MRPS11: variants seen among roughly 807,000 people sequenced by gnomAD.
MRPS11 encodes small ribosomal subunit protein uS11m.
A neutral mutation model predicts 24.3 loss-of-function variants in MRPS11; 27 were observed. The ratio of observed to expected loss-of-function variants is 1.11; its 90% CI spans 0.82 to 1.53. The LOEUF is 1.53. Ranked by LOEUF, MRPS11 falls within the 40% of genes most tolerant of loss-of-function variation. MRPS11 has a pLI of 0.00. For synonymous variants in MRPS11, 104 were observed against 98.7 expected, an observed-to-expected ratio of 1.05 and a Z score of -0.32; for missense variants, 277 against 256.5, an observed-to-expected ratio of 1.08 and a Z score of -0.55.
rs1471296108 is a variant in MRPS11 at position 88,480,299 on chromosome 15, C to CA, written c.*2323dup. 1 of 152,238 alleles carries CA rather than the reference C, an allele frequency of 6.6e-6. No individual in the cohort carries two copies. Among genetic ancestry groups the CA allele is most frequent in the East Asian group, 1.9e-4 (1 of 5,194 alleles). The allele number at this position is 152,238 out of a possible 1,614,324, so 9.4% of individuals were successfully genotyped here. A position where few individuals can be genotyped will look rare whatever the true frequency, so the allele number is the denominator to read the frequency against. On this transcript the variant is annotated 3_prime_UTR_variant, in exon 6 of 6. Coordinates refer to ENST00000325844, the MANE Select transcript of MRPS11 (RefSeq NM_022839.5). The surrounding 1 kb of genome is among the most constrained non-coding windows in gnomAD (Gnocchi z 5.1). ...GTACGACCATGGTTCACTGCAGCCT[C>CA]AAACTCCTGGGCTCAAGTGATCCTC...
In MRPS11 at chr15:88,477,622, TAAAGTGC is replaced by T. The variant is rs1411914662; in HGVS notation, c.478-243_478-237del. On this transcript the variant is annotated intron_variant, in intron 5 of 5. Transcript: ENST00000325844. This position sits in a 1 kb window ranked among gnomAD's most constrained non-coding sequence, Gnocchi z 5.7. ...ACAAGAAGTCTTTGTTCGCAGATCG[TAAAGTGC>T]AAAGTGGAAAGTGGTGGGTACAGTT... 3.3e-5 allele frequency among the ~76,000 whole-genome samples: 5 copies of T among 152,140 alleles called. No individual in the cohort carries two copies. The highest frequency in any genetic ancestry group is 1.2e-4 in the African/African-American group (5 of 41,424).
rs1424114397 is a variant in MRPS11, at chr15:88,475,101, T to G, written c.282-9T>G. On this transcript the variant is annotated splice_polypyrimidine_tract_variant and intron_variant, in intron 3 of 5. Coordinates refer to ENST00000325844, the MANE Select transcript of MRPS11 (RefSeq NM_022839.5). This position sits in a 1 kb window ranked among gnomAD's most constrained non-coding sequence, Gnocchi z 4.1. ...GTTGTATCCTATGTGCTTCTTCTAC[T>G]TTTCTCAGCACACAGATCCAGGTAG... 2 of 1,614,010 alleles carry G rather than the reference T, an allele frequency of 1.2e-6. No homozygotes were observed. Among genetic ancestry groups the G allele is most frequent in the African/African-American group, 2.7e-5 (2 of 74,936 alleles).
intron 2 of MRPS11, chr15:88,468,568 A>G (rs2055606545): frequency 1.1e-6 from 1 of 943,668 alleles, no homozygotes; most frequent in Non-Finnish European, 1.3e-6. Flanking sequence ...ACACCATGCT[A>G]GGTGCCGTGA....
intron 2 of MRPS11, among the ~76,000 whole-genome samples, chr15:88,471,456 A>G (rs9920710): frequency 0.067 from 10,264 of 152,218 alleles, 1,196 homozygotes; most frequent in African/African-American, 0.23. Flanking sequence ...AATCTGATAT[A>G]TGTGTGTAGG....
rs1186198557 is a variant in MRPS11 at position 88,475,864 on chromosome 15, G to A, written c.411+625G>A. 6.6e-6 allele frequency among the ~76,000 whole-genome samples: 1 copy of A among 152,136 alleles called. No individual in the cohort carries two copies. The highest frequency in any genetic ancestry group is 1.9e-4 in the East Asian group (1 of 5,180). ...CCCAGGTACTCGGGAGGCTGAGGCAGGAGAATCACTTGAACCCAGGAGGTG... is the reference window on the plus strand; with the variant it reads ...CCCAGGTACTCGGGAGGCTGAGGCAAGAGAATCACTTGAACCCAGGAGGTG... On this transcript the variant is annotated intron_variant, in intron 4 of 5. Coordinates refer to ENST00000325844, the MANE Select transcript of MRPS11 (RefSeq NM_022839.5). This position sits in a 1 kb window ranked among gnomAD's most constrained non-coding sequence, Gnocchi z 4.1.
chr15:88,471,057 G>T (rs1567043971), intron 2 of MRPS11, among the ~76,000 whole-genome samples: 2 of 152,216 alleles, frequency 1.3e-5, no homozygotes, highest in African/African-American at 4.8e-5. Context: ...CGCAAAGGCT[G>T]TGGGCACAGA....
rs372888234 is a variant in MRPS11, at chr15:88,475,123, G to A, written c.295G>A (p.Val99Ile). Residue 99 changes from valine (V) to isoleucine (I), a missense_variant, in exon 4 of 6, where the codon GTA (valine) becomes ATA (isoleucine). Physicochemically the swap from Val to Ile is conservative, Grantham distance 29. Transcript: ENST00000325844. The surrounding 1 kb of genome is among the most constrained non-coding windows in gnomAD (Gnocchi z 4.1). Reference protein sequence around the residue: ...KASHNNTQIQVVSASNEPLAF... With the variant: ...KASHNNTQIQIVSASNEPLAF... ...TACTTTTCTCAGCACACAGATCCAG[G>A]TAGTCTCTGCTAGTAATGAGCCCCT... is the stretch of plus-strand genomic sequence containing the variant. 1.2e-6 allele frequency: 2 copies of A among 1,614,214 alleles called. No homozygotes were observed. The highest frequency in any genetic ancestry group is 1.1e-5 in the South Asian group (1 of 91,090).
intron 4 of MRPS11, among the ~76,000 whole-genome samples, chr15:88,476,317 CT>C (rs1264136123): frequency 2.6e-5 from 4 of 152,220 alleles, no homozygotes; most frequent in Non-Finnish European, 5.9e-5. Flanking sequence ...ACAATTTCTA[CT>C]ATAGTACAGG....
At chr15:88,473,669 G>A (rs116961198) in intron 3 of MRPS11, among the ~76,000 whole-genome samples, 1 of 152,144 alleles carries the variant, frequency 6.6e-6, no homozygotes, top group Non-Finnish European at 1.5e-5. Flanking sequence ...AGCTCTGGTA[G>A]GGGGAATGTC....
In MRPS11 at chr15:88,469,497, A is replaced by C. The variant is rs1036608186; in HGVS notation, c.182+1473A>C. 6.6e-6 allele frequency among the ~76,000 whole-genome samples: 1 copy of C among 152,192 alleles called. No homozygotes were observed. Among genetic ancestry groups the C allele is most frequent in the African/African-American group, 2.4e-5 (1 of 41,452 alleles). On this transcript the variant is annotated intron_variant, in intron 2 of 5. Transcript: ENST00000325844. This position sits in a 1 kb window ranked among gnomAD's most constrained non-coding sequence, Gnocchi z 4.4. ...AAATGTAGGAGTATAACGGTTGGAA[A>C]GGGGAAGTGGGGGTCAAGCAGGCCT... is the stretch of plus-strand genomic sequence containing the variant.
At chr15:88,468,266 G>T (rs939655160) in intron 2 of MRPS11, 46 of 1,339,076 alleles carry the variant, frequency 3.4e-5, no homozygotes, top group Middle Eastern at 2.9e-4. Flanking sequence ...AAATCAATGA[G>T]TGAATGTGAG....
rs1366783796 is a variant in MRPS11 at position 88,480,583 on chromosome 15, C to G, written c.*2604C>G. ...GCCCAGCAGAGCCTACATGCGCAGA[C>G]AGGACAGAGGACCCTTAAGGATCAA... On this transcript the variant is annotated 3_prime_UTR_variant, in exon 6 of 6. Transcript: ENST00000325844. This position sits in a 1 kb window ranked among gnomAD's most constrained non-coding sequence, Gnocchi z 5.1. 1 of 152,142 alleles carries G rather than the reference C, an allele frequency of 6.6e-6. No homozygotes were observed. The highest frequency in any genetic ancestry group is 1.5e-5 in the Non-Finnish European group (1 of 68,036). 9.4% of individuals were successfully genotyped at this position (152,142 alleles called of 1,614,324 possible).
In MRPS11 at chr15:88,477,780, C is replaced by A; in HGVS notation, c.478-92C>A. 1.8e-6 allele frequency: 2 copies of A among 1,090,906 alleles called. No individual in the cohort carries two copies. The highest frequency in any genetic ancestry group is 2.8e-6 in the Non-Finnish European group (2 of 725,364). The allele number at this position is 1,090,906 out of a possible 1,614,324, so 67.6% of individuals were successfully genotyped here. ...TCTCACCCCTCCGTTCCCTTCTCTA[C>A]GCCACCCTGTCCCTCTCCGAACCCT... is the stretch of plus-strand genomic sequence containing the variant. On this transcript the variant is annotated intron_variant, in intron 5 of 5. Coordinates refer to ENST00000325844, the MANE Select transcript of MRPS11 (RefSeq NM_022839.5). The surrounding 1 kb of genome is among the most constrained non-coding windows in gnomAD (Gnocchi z 5.7).
chr15:88,478,288 A>T lies in MRPS11; in HGVS notation c.*309A>T, dbSNP rs1455376200. ...CATAATTTTGAGATTTTTTGCTTTC[A>T]GAGTTACGTAATTCCTAATTCCTCT... On this transcript the variant is annotated 3_prime_UTR_variant, in exon 6 of 6. Transcript: ENST00000325844. This position sits in a 1 kb window ranked among gnomAD's most constrained non-coding sequence, Gnocchi z 4.7. The T allele has an allele frequency of 2.8e-6, 1 of 350,996 alleles. No individual in the cohort carries two copies. Among genetic ancestry groups the T allele is most frequent in the Non-Finnish European group, 5.2e-6 (1 of 191,854 alleles). The allele number at this position is 350,996 out of a possible 1,614,324, so 21.7% of individuals were successfully genotyped here.
intron 2 of MRPS11, 59 bp downstream of exon 2, chr15:88,468,083 C>T: frequency 6.5e-7 from 1 of 1,544,674 alleles, no homozygotes; most frequent in Non-Finnish European, 8.8e-7. Flanking sequence ...TTGCCCGACA[C>T]CCTCCAGAGT....
At position 88,478,047 on chromosome 15, in the gene MRPS11, C is replaced by A; in HGVS notation, c.*68C>A. ...TCCAGTGGGACCTTGTAAAATGCTC[C>A]CTGTCAGAGCTCTCCAGAATATGCT... On this transcript the variant is annotated 3_prime_UTR_variant, in exon 6 of 6. Coordinates refer to ENST00000325844, the MANE Select transcript of MRPS11 (RefSeq NM_022839.5). The surrounding 1 kb of genome is among the most constrained non-coding windows in gnomAD (Gnocchi z 4.7). 2.4e-6 allele frequency: 3 copies of A among 1,235,276 alleles called. 1 individual carries two copies. The South Asian group carries it at 3.6e-5, about 15-fold the overall frequency. The allele number at this position is 1,235,276 out of a possible 1,614,324, so 76.5% of individuals were successfully genotyped here.
In MRPS11 at chr15:88,480,621, C is replaced by G. The variant is rs555450628; in HGVS notation, c.*2642C>G. ...CCTTAAGGATCAATGGTCTTGTTGC[C>G]GGAAATGGATGTCTGGCGCAACCCC... On this transcript the variant is annotated 3_prime_UTR_variant, in exon 6 of 6. Transcript: ENST00000325844. This position sits in a 1 kb window ranked among gnomAD's most constrained non-coding sequence, Gnocchi z 5.1. The G allele has an allele frequency of 1.2e-4, 18 of 152,124 alleles. No individual in the cohort carries two copies. Among genetic ancestry groups the G allele is most frequent in the African/African-American group, 4.3e-4 (18 of 41,506 alleles). The allele number at this position is 152,124 out of a possible 1,614,324, so 9.4% of individuals were successfully genotyped here.
In MRPS11 at chr15:88,467,895, C is replaced by A; in HGVS notation, c.66-13C>A. ...CCGTTAGGCCGTGGCCCTCACCGAG[C>A]TTTTCTTCCCAGCAGGGTCGTGGCC... On this transcript the variant is annotated splice_polypyrimidine_tract_variant and intron_variant, in intron 1 of 5. Coordinates refer to ENST00000325844, the MANE Select transcript of MRPS11 (RefSeq NM_022839.5). 5 of 1,613,700 alleles carry A rather than the reference C, an allele frequency of 3.1e-6. No homozygotes were observed. The highest frequency in any genetic ancestry group is 4.2e-6 in the Non-Finnish European group (5 of 1,179,892).
chr15:88,474,825 C>G (rs1423081840), intron 3 of MRPS11, among the ~76,000 whole-genome samples: 1 of 152,176 alleles, frequency 6.6e-6, no homozygotes, highest in Non-Finnish European at 1.5e-5. Flanking sequence ...TTAAAACTTT[C>G]CCCAATACAG....
Sources: allele counts gnomAD v4.1 joint callset (sites outside exome capture counted in the v4.1 genomes callset), GRCh38; gene constraint gnomAD v4.1.1; non-coding constraint Gnocchi (gnomAD v3.1); transcripts MANE v1.5; gene names NCBI Gene and HGNC (gene_info 2026-07-23, HGNC 2026-07-21).